Variants in NRIP1 observed in about 807,000 individuals in gnomAD.
NRIP1 encodes the protein nuclear receptor-interacting protein 1.
A neutral mutation model predicts 75.0 loss-of-function variants in NRIP1; 28 were observed. That is an observed-to-expected ratio of 0.37 (90% confidence interval 0.28 to 0.51). The LOEUF (loss-of-function observed/expected upper bound fraction) is 0.51. NRIP1 is among the 20% of genes least tolerant of loss of function. The pLI is 0.92. For synonymous variants in NRIP1, 526 were observed against 487.6 expected, an observed-to-expected ratio of 1.08 and a Z score of -1.04; for missense variants, 1,435 against 1,343.7, an observed-to-expected ratio of 1.07 and a Z score of -1.06.
In NRIP1 at chr21:14,965,217, G is replaced by A. The variant is rs28587162; in HGVS notation, c.2976C>T (p.Ser992=). ...NGLMYSSTQP[S]SCMDNRTFSY... The stretch of plus-strand genomic sequence containing the variant: ...AAAATGTCCTGTTATCCATGCAACT[G>A]CTGGGCTGAGTGGAACTGTACATCA... Residue 992 remains serine, a synonymous_variant, in exon 4 of 4, where the codon AGC becomes AGT. Coordinates refer to ENST00000318948, the MANE Select transcript of NRIP1 (RefSeq NM_003489.4). The A allele has an allele frequency of 3.9e-3, 6,243 of 1,613,888 alleles. 213 individuals carry two copies. The African/African-American group carries it at 0.071, about 18-fold the overall frequency.
At chr21:14,975,412 A>AT (rs1394541331) in intron 3 of NRIP1, among the ~76,000 whole-genome samples, 1 of 152,126 alleles carries the variant, frequency 6.6e-6, no homozygotes, top group East Asian at 1.9e-4. Context: ...TTTTATTTTT[A>AT]TTTTTTTACA....
At chr21:14,992,960 A>G (rs936725282) in intron 3 of NRIP1, 2 of 153,574 alleles carry the variant, frequency 1.3e-5, no homozygotes, top group Non-Finnish European at 2.9e-5. Flanking sequence ...ACTTTTAACT[A>G]TATAATAAAA....
At chr21:14,979,809 C>A (rs145066075) in intron 3 of NRIP1, among the ~76,000 whole-genome samples, 2 of 152,064 alleles carry the variant, frequency 1.3e-5, no homozygotes, top group African/African-American at 4.8e-5. Context: ...CCACTGCACC[C>A]GGCCAGAATT....
Position 14,975,685 on chromosome 21 carries a change from G to T in NRIP1, c.-334-7159C>A, listed in dbSNP as rs200506293. On this transcript the variant is annotated intron_variant, in intron 3 of 3. Transcript: ENST00000318948. Reference sequence around the variant, plus strand: ...AGAGAGAGAGAGAAAGAAAGAAAGGGAGGGGAGGGGAGGAATAGAATGACG... The same window carrying T: ...AGAGAGAGAGAGAAAGAAAGAAAGGTAGGGGAGGGGAGGAATAGAATGACG... 2.0e-3 allele frequency among the ~76,000 whole-genome samples: 225 copies of T among 114,674 alleles called. 1 individual carries two copies. The highest frequency in any genetic ancestry group is 0.015 in the African/African-American group (209 of 14,116). The allele number at this position is 114,674 out of a possible 152,430, so 75.2% of individuals were successfully genotyped here.
chr21:15,006,910 A>G (rs571889640), intron 3 of NRIP1, among the ~76,000 whole-genome samples: 12 of 152,374 alleles, frequency 7.9e-5, no homozygotes, highest in Admixed American at 7.8e-4. Flanking sequence ...GATAGGCTGT[A>G]ACCAGGTTTT....
intron 3 of NRIP1, among the ~76,000 whole-genome samples, chr21:14,993,778 T>G (rs2087638249): frequency 6.6e-6 from 1 of 151,558 alleles, no homozygotes; most frequent in Non-Finnish European, 1.5e-5. Flanking sequence ...GAGAGAGATA[T>G]GTCTCAAAAA....
intron 1 of NRIP1, among the ~76,000 whole-genome samples, chr21:15,048,452 C>T (rs2089135368): frequency 6.6e-6 from 1 of 152,170 alleles, no homozygotes; most frequent in Admixed American, 6.5e-5. Context: ...AGAATCTTAA[C>T]TACAGGCAGG....
chr21:14,986,110 C>A (rs1457641271), intron 3 of NRIP1, among the ~76,000 whole-genome samples: 1 of 152,038 alleles, frequency 6.6e-6, no homozygotes, highest in Non-Finnish European at 1.5e-5. Context: ...AGAATTTGAG[C>A]CCTTTAAATG....
At chr21:15,029,202 G>A (rs1329476933) in intron 2 of NRIP1, among the ~76,000 whole-genome samples, 3 of 152,130 alleles carry the variant, frequency 2.0e-5, no homozygotes, top group Non-Finnish European at 2.9e-5. Context: ...CTGCTGAAGC[G>A]ATTCTGCTAA....
chr21:15,046,220 A>T lies in NRIP1; in HGVS notation c.-537-2646T>A, dbSNP rs1312372714. Among the ~76,000 whole-genome samples the T allele has an allele frequency of 1.3e-5, 2 of 152,186 alleles. 1 individual carries two copies. The highest frequency in any genetic ancestry group is 4.1e-4 in the South Asian group (2 of 4,830). On this transcript the variant is annotated intron_variant, in intron 1 of 3. Coordinates refer to ENST00000318948, the MANE Select transcript of NRIP1 (RefSeq NM_003489.4). ...TCTATGGCAACTACAGCTTCACAAG[A>T]TGTATTTCTTCAATAGTAAGACTTG...
At chr21:15,003,062 T>C (rs2087885715) in intron 3 of NRIP1, among the ~76,000 whole-genome samples, 1 of 152,218 alleles carries the variant, frequency 6.6e-6, no homozygotes, top group South Asian at 2.1e-4. Context: ...TTCTTTTCAA[T>C]TAGACATTTT....
At chr21:14,974,896 C>T (rs1024815399) in intron 3 of NRIP1, among the ~76,000 whole-genome samples, 9 of 152,008 alleles carry the variant, frequency 5.9e-5, no homozygotes, top group African/African-American at 1.2e-4. Flanking sequence ...ATGCTTGAGC[C>T]CAGGAGTTCG....
chr21:14,962,039 ATAT>A lies in NRIP1; in HGVS notation c.*2674_*2676del, dbSNP rs2086606401. 5.2e-5 allele frequency: 7 copies of A among 135,214 alleles called. No individual in the cohort carries two copies. The highest frequency in any genetic ancestry group is 2.1e-4 in the East Asian group (1 of 4,682). The allele number at this position is 135,214 out of a possible 1,614,324, so 8.4% of individuals were successfully genotyped here. A position where few individuals can be genotyped will look rare whatever the true frequency, so the allele number is the denominator to read the frequency against. ...ATTATATATATATATATATATATAT[ATAT>A]AAAATATATACTCTCACCAGTTTAC... On this transcript the variant is annotated 3_prime_UTR_variant, in exon 4 of 4. Coordinates refer to ENST00000318948, the MANE Select transcript of NRIP1 (RefSeq NM_003489.4).
intron 3 of NRIP1, among the ~76,000 whole-genome samples, chr21:14,988,803 G>A (rs1407077319): frequency 1.3e-5 from 2 of 152,146 alleles, no homozygotes; most frequent in African/African-American, 4.8e-5. Context: ...TTCAGAGGGA[G>A]ACAGAAAGCT....
chr21:15,024,977 T>C (rs950344620), intron 2 of NRIP1, among the ~76,000 whole-genome samples: 1 of 152,134 alleles, frequency 6.6e-6, no homozygotes, highest in Non-Finnish European at 1.5e-5. Context: ...CCATTTTGCA[T>C]CCAATAAATT....
At chr21:15,060,374 T>C (rs931355961) in intron 1 of NRIP1, among the ~76,000 whole-genome samples, 10 of 152,142 alleles carry the variant, frequency 6.6e-5, no homozygotes, top group Admixed American at 4.6e-4. Context: ...GGAGTTTCTG[T>C]GGTCTCTATT....
intron 2 of NRIP1, among the ~76,000 whole-genome samples, chr21:15,024,364 G>A (rs938978994): frequency 2.9e-4 from 44 of 152,226 alleles, no homozygotes; most frequent in African/African-American, 1.0e-3. Context: ...CCAACATGGT[G>A]AAACCCCGTC....
At chr21:14,985,242 A>G (rs75626346) in intron 3 of NRIP1, among the ~76,000 whole-genome samples, 2,109 of 152,324 alleles carry the variant, frequency 0.014, 36 homozygotes, top group African/African-American at 0.047. Flanking sequence ...CTTGGTCTGC[A>G]AAATAAGGAG....
At position 14,966,552 on chromosome 21, in the gene NRIP1, C is replaced by G; in HGVS notation, c.1641G>C (p.Arg547=). The G allele has an allele frequency of 1.9e-6, 3 of 1,614,034 alleles. No homozygotes were observed. Among genetic ancestry groups the G allele is most frequent in the Non-Finnish European group, 2.5e-6 (3 of 1,179,990 alleles). Residue 547 remains arginine, a synonymous_variant, in exon 4 of 4, where the codon CGG becomes CGC. Coordinates refer to ENST00000318948, the MANE Select transcript of NRIP1 (RefSeq NM_003489.4). ...AAGGTGGAGTGCTCACTGGAGTAGT[C>G]CGATTTGTACTGGGGCTTTCTATCA... The part of the protein sequence containing the change: ...TSVIESPSTN[R]TTPVSTPPLL...
Sources: allele counts gnomAD v4.1 joint callset (sites outside exome capture counted in the v4.1 genomes callset), GRCh38; gene constraint gnomAD v4.1.1; transcripts MANE v1.5; gene names NCBI Gene and HGNC (gene_info 2026-07-23, HGNC 2026-07-21).